Variants in AUTS2 observed in about 807,000 individuals in gnomAD.
AUTS2 encodes autism susceptibility gene 2 protein.
AUTS2 carries 17 observed loss-of-function variants against 112.4 expected under a neutral mutation model. That is an observed-to-expected ratio of 0.15 (90% CI 0.10 to 0.23). AUTS2 has a LOEUF of 0.23. Ranked by LOEUF, AUTS2 falls within the 10% of genes least tolerant of loss-of-function variation. AUTS2 has a pLI of 1.00. For missense variants in AUTS2, 1,510 were observed against 1,701.6 expected (o/e 0.89, Z 1.98); for synonymous variants, 751 against 702.7 (o/e 1.07, Z -1.09).
At chr7:69,773,324 G>A (rs1015425374) in intron 1 of AUTS2, among the ~76,000 whole-genome samples, 1 of 152,208 alleles carries the variant, frequency 6.6e-6, no homozygotes, top group South Asian at 2.1e-4. Context: ...TTCAAGACCA[G>A]CCTGGCCAAC....
At chr7:70,061,211 A>G (rs1563072939) in intron 2 of AUTS2, among the ~76,000 whole-genome samples, 1 of 152,150 alleles carries the variant, frequency 6.6e-6, no homozygotes, top group African/African-American at 2.4e-5. Flanking sequence ...AAATGGAGAC[A>G]GTACTTTCTG....
At chr7:70,497,088 A>G (rs1225664291) in intron 5 of AUTS2, among the ~76,000 whole-genome samples, 17 of 131,454 alleles carry the variant, frequency 1.3e-4, no homozygotes, top group African/African-American at 1.8e-4. Flanking sequence ...CACACCACGT[A>G]CACAGTCAGA....
At chr7:69,894,252 G>GTTTTTTTTTTTTTT (rs370966756) in intron 1 of AUTS2, among the ~76,000 whole-genome samples, 2 of 36,744 alleles carry the variant, frequency 5.4e-5, no homozygotes, top group African/African-American at 2.6e-4. Context: ...GCCTTAAAGC[G>GTTTTTTTTTTTTTT]TTTTTTTTTT....
chr7:70,470,575 G>A (rs576961647), intron 5 of AUTS2, among the ~76,000 whole-genome samples: 3 of 152,188 alleles, frequency 2.0e-5, no homozygotes, highest in Admixed American at 1.3e-4. Flanking sequence ...GCAGCATCTG[G>A]CTCATCCCTG....
intron 5 of AUTS2, among the ~76,000 whole-genome samples, chr7:70,681,845 A>G (rs1808227790): frequency 6.6e-6 from 1 of 152,216 alleles, no homozygotes; most frequent in African/African-American, 2.4e-5. Context: ...GTTCCAACTT[A>G]GTCCCAGCAT....
chr7:69,933,566 T>A lies in AUTS2; in HGVS notation c.522+34068T>A, dbSNP rs150763152. Among the ~76,000 whole-genome samples, 185 of 152,364 alleles carry A rather than the reference T, an allele frequency of 1.2e-3. 1 individual carries two copies. Among genetic ancestry groups the A allele is most frequent in the East Asian group, 0.012 (61 of 5,190 alleles). On this transcript the variant is annotated intron_variant, in intron 2 of 18. Coordinates refer to ENST00000342771, the MANE Select transcript of AUTS2 (RefSeq NM_015570.4). ...GAAGGTCACAGTTATGTTGGTTCTG[T>A]TCGAAATAAGTACTATAAATTTTTT...
At chr7:70,449,271 C>T (rs1796436090) in intron 5 of AUTS2, among the ~76,000 whole-genome samples, 1 of 152,196 alleles carries the variant, frequency 6.6e-6, no homozygotes, top group Non-Finnish European at 1.5e-5. Flanking sequence ...CATGACCCAT[C>T]CACTTTTCAG....
rs191509889 is a variant in AUTS2 at position 70,136,442 on chromosome 7, G to A, written c.660+1871G>A. 5.7e-3 allele frequency among the ~76,000 whole-genome samples: 873 copies of A among 152,264 alleles called. 6 individuals carry two copies. Among genetic ancestry groups the A allele is most frequent in the Non-Finnish European group, 9.8e-3 (666 of 68,016 alleles). ...TATTGTTGCCCAGTCCTCATGAAAA[G>A]TATCTTCTATTTCAACTTTCTTTCC... On this transcript the variant is annotated intron_variant, in intron 4 of 18. Coordinates refer to ENST00000342771, the MANE Select transcript of AUTS2 (RefSeq NM_015570.4).
At chr7:69,880,684 A>G (rs907289454) in intron 1 of AUTS2, among the ~76,000 whole-genome samples, 3 of 152,186 alleles carry the variant, frequency 2.0e-5, no homozygotes, top group African/African-American at 7.2e-5. Flanking sequence ...ATATTTTCAG[A>G]TAGATAATTT....
At chr7:70,157,602 A>G (rs542286163) in intron 4 of AUTS2, among the ~76,000 whole-genome samples, 1 of 152,274 alleles carries the variant, frequency 6.6e-6, no homozygotes, top group South Asian at 2.1e-4. Context: ...GGCATGAGCC[A>G]CCACACCTGG....
chr7:70,744,659 A>G (rs1788335828), intron 6 of AUTS2, among the ~76,000 whole-genome samples: 1 of 152,202 alleles, frequency 6.6e-6, no homozygotes, highest in Non-Finnish European at 1.5e-5. Context: ...CCATGCAGAC[A>G]GGTGACATAT....
At chr7:70,768,104 C>A in intron 10 of AUTS2, 36 bp downstream of exon 10, 1 of 1,572,118 alleles carries the variant, frequency 6.4e-7, no homozygotes, top group African/African-American at 1.4e-5. Flanking sequence ...TTGAATGTAA[C>A]TGCTTTGCCA....
intron 4 of AUTS2, among the ~76,000 whole-genome samples, chr7:70,169,249 TA>T (rs930576164): frequency 6.7e-5 from 10 of 149,632 alleles, no homozygotes; most frequent in South Asian, 2.1e-4. Context: ...AATATATATA[TA>T]TTTTTTTTGA....
At chr7:69,777,781 A>G (rs1788959082) in intron 1 of AUTS2, among the ~76,000 whole-genome samples, 1 of 152,102 alleles carries the variant, frequency 6.6e-6, no homozygotes, top group Non-Finnish European at 1.5e-5. Flanking sequence ...GTAACACTCT[A>G]TGAAATGAAA....
At chr7:70,325,201 G>T (rs1434060833) in intron 4 of AUTS2, among the ~76,000 whole-genome samples, 1 of 152,080 alleles carries the variant, frequency 6.6e-6, no homozygotes, top group Non-Finnish European at 1.5e-5. Context: ...GCTCACACCT[G>T]TAATCCCAGC....
intron 5 of AUTS2, among the ~76,000 whole-genome samples, chr7:70,483,402 A>G (rs949389002): frequency 6.6e-6 from 1 of 152,220 alleles, no homozygotes; most frequent in African/African-American, 2.4e-5. Flanking sequence ...CTCTTCCAGA[A>G]TAAACCAAAA....
intron 1 of AUTS2, among the ~76,000 whole-genome samples, chr7:69,639,083 G>A (rs1794684225): frequency 6.6e-6 from 1 of 152,140 alleles, no homozygotes; most frequent in African/African-American, 2.4e-5. Context: ...CCTTCTTAGT[G>A]AATTATTATA....
intron 13 of AUTS2, 108 bp from the exon 14 acceptor site, chr7:70,776,995 C>T: frequency 9.8e-7 from 1 of 1,018,310 alleles, no homozygotes; most frequent in Non-Finnish European, 1.5e-6. Context: ...ACTCTTGTTT[C>T]ACGAAAAAAG....
At chr7:69,849,008 C>A (rs1464303120) in intron 1 of AUTS2, among the ~76,000 whole-genome samples, 1 of 152,038 alleles carries the variant, frequency 6.6e-6, no homozygotes, top group Non-Finnish European at 1.5e-5. Flanking sequence ...ACTGCAAGAC[C>A]CTGATTCTAC....
Sources: allele counts gnomAD v4.1 joint callset (sites outside exome capture counted in the v4.1 genomes callset), GRCh38; gene constraint gnomAD v4.1.1; transcripts MANE v1.5; gene names NCBI Gene and HGNC (gene_info 2026-07-23, HGNC 2026-07-21).